JDP2: variants seen among roughly 807,000 people sequenced by gnomAD.
JDP2 encodes progesterone receptor co-activator.
In JDP2, 9 loss-of-function variants were observed where a neutral mutation model predicts 17.1. The observed-to-expected ratio is 0.53, with a 90% CI of 0.32 to 0.92. The LOEUF is 0.92. JDP2 is among the 40% of genes least tolerant of loss of function. The pLI, the probability that JDP2 is intolerant of heterozygous loss-of-function variation, is 0.04. For synonymous variants in JDP2, 107 were observed against 95.6 expected, an observed-to-expected ratio of 1.12 and a Z score of -0.69; for missense variants, 179 against 220.0, an observed-to-expected ratio of 0.81 and a Z score of 1.18.
chr14:75,434,153 C>T (rs1255595636), intron 1 of JDP2, among the ~76,000 whole-genome samples: 1 of 152,170 alleles, frequency 6.6e-6, no homozygotes, highest in Non-Finnish European at 1.5e-5. Context: ...CCCCCACTCC[C>T]CCTTTTTTAT....
chr14:75,440,872 A>G (rs1885311830), intron 2 of JDP2, among the ~76,000 whole-genome samples: 1 of 152,220 alleles, frequency 6.6e-6, no homozygotes, highest in Non-Finnish European at 1.5e-5. Flanking sequence ...GATGAGGTCA[A>G]CAAGGCTGAG....
At chr14:75,442,369 T>C (rs1885395167) in intron 2 of JDP2, among the ~76,000 whole-genome samples, 1 of 152,190 alleles carries the variant, frequency 6.6e-6, no homozygotes, top group Non-Finnish European at 1.5e-5. Context: ...CTGCTGTATT[T>C]GTATACAGCC....
At chr14:75,466,222 C>T (rs558837170) in intron 3 of JDP2, among the ~76,000 whole-genome samples, 6 of 152,356 alleles carry the variant, frequency 3.9e-5, no homozygotes, top group Admixed American at 2.6e-4. Flanking sequence ...AGGCAGATCA[C>T]TTGAGGCCAA....
chr14:75,452,142 C>T (rs1315367725), intron 2 of JDP2, among the ~76,000 whole-genome samples: 5 of 152,198 alleles, frequency 3.3e-5, no homozygotes, highest in African/African-American at 1.2e-4. Flanking sequence ...ATCAGGCCCA[C>T]GCTGCCCTTG....
intron 1 of JDP2, among the ~76,000 whole-genome samples, chr14:75,433,657 A>G (rs1884924742): frequency 1.3e-5 from 2 of 149,458 alleles, no homozygotes; most frequent in African/African-American, 5.0e-5. Context: ...ACAACAGCTT[A>G]GGGTCCACGG....
chr14:75,444,174 G>T (rs2139963077), intron 2 of JDP2, among the ~76,000 whole-genome samples: 1 of 152,306 alleles, frequency 6.6e-6, no homozygotes, highest in East Asian at 1.9e-4. Context: ...AAAGTGCTGG[G>T]ATTACAGGCG....
At position 75,472,214 on chromosome 14, in the gene JDP2, T is replaced by TG. The variant is rs1355476179; in HGVS notation, c.*2745dup. ...CCTCAACTGCTTTGTGCACCCTGACTGGGGGGTAGGTGCTAGCGTTCCAAC... is the reference window on the plus strand; with the variant it reads ...CCTCAACTGCTTTGTGCACCCTGACTGGGGGGGTAGGTGCTAGCGTTCCAAC... On this transcript the variant is annotated 3_prime_UTR_variant, in exon 4 of 4. Transcript: ENST00000651602. The TG allele has an allele frequency of 1.3e-5, 2 of 152,168 alleles. 1 individual carries two copies. The highest frequency in any genetic ancestry group is 4.1e-4 in the South Asian group (2 of 4,834). 9.4% of individuals were successfully genotyped at this position (152,168 alleles called of 1,614,324 possible).
intron 3 of JDP2, among the ~76,000 whole-genome samples, chr14:75,461,738 C>G (rs1886357104): frequency 6.6e-6 from 1 of 152,182 alleles, no homozygotes; most frequent in Admixed American, 6.5e-5. Context: ...TCAGCAGTTC[C>G]TGCCCACACA....
At chr14:75,448,276 T>C (rs1885699226) in intron 2 of JDP2, among the ~76,000 whole-genome samples, 2 of 152,110 alleles carry the variant, frequency 1.3e-5, no homozygotes, top group African/African-American at 4.8e-5. Context: ...TAAAGTGGGG[T>C]CAGCATCTGG....
chr14:75,436,105 A>C (rs1226681968), intron 1 of JDP2, among the ~76,000 whole-genome samples: 1 of 152,162 alleles, frequency 6.6e-6, no homozygotes, highest in African/African-American at 2.4e-5. Context: ...TGGGAAATAG[A>C]CTCTGGACTT....
intron 2 of JDP2, among the ~76,000 whole-genome samples, chr14:75,442,290 C>A (rs1037352625): frequency 6.6e-6 from 1 of 151,798 alleles, no homozygotes; most frequent in Admixed American, 6.6e-5. Context: ...TTTTAAAAAA[C>A]CAGAATATCT....
At chr14:75,442,833 G>T (rs540120586) in intron 2 of JDP2, among the ~76,000 whole-genome samples, 57 of 152,156 alleles carry the variant, frequency 3.7e-4, no homozygotes, top group Non-Finnish European at 3.1e-4. Context: ...CTACTTTTGG[G>T]AATGTGACTC....
rs8009422 is a variant in JDP2, at chr14:75,473,231, C to T, written c.*3756C>T. 0.53 allele frequency: 80,885 copies of T among 151,704 alleles called. 21,855 individuals carry two copies. The highest frequency in any genetic ancestry group is 0.57 in the Non-Finnish European group (38,903 of 67,896). 9.4% of individuals were successfully genotyped at this position (151,704 alleles called of 1,614,324 possible). On this transcript the variant is annotated 3_prime_UTR_variant, in exon 4 of 4. Coordinates refer to ENST00000651602, the MANE Select transcript of JDP2 (RefSeq NM_001135048.2). Reference sequence around the variant, plus strand: ...GCACGTGCCTGTAGTCCCAGCTACTCGGGAGGCTGAGGCAGGAGAATCACT... The same window carrying T: ...GCACGTGCCTGTAGTCCCAGCTACTTGGGAGGCTGAGGCAGGAGAATCACT...
intron 3 of JDP2, among the ~76,000 whole-genome samples, chr14:75,467,127 T>C (rs993983529): frequency 6.6e-6 from 1 of 152,178 alleles, no homozygotes; most frequent in Non-Finnish European, 1.5e-5. Flanking sequence ...ACAGGCTGGC[T>C]CTCAACCCAC....
At chr14:75,427,134 A>G, upstream of JDP2, 1 of 152,802 alleles carries the variant, frequency 6.5e-6, no homozygotes, top group Non-Finnish European at 1.5e-5. The surrounding 1 kb of genome is among the most constrained non-coding windows in gnomAD (Gnocchi z 4.4). Flanking sequence ...GAAGGATGGA[A>G]GGTGGGAGTG....
chr14:75,457,837 A>G (rs1364394858), intron 2 of JDP2, among the ~76,000 whole-genome samples: 1 of 152,230 alleles, frequency 6.6e-6, no homozygotes, highest in East Asian at 1.9e-4. Context: ...GCCTACTACA[A>G]ACAGAGAGAA....
intron 3 of JDP2, among the ~76,000 whole-genome samples, chr14:75,465,978 A>G (rs1028568736): frequency 1.1e-4 from 17 of 152,254 alleles, no homozygotes; most frequent in Non-Finnish European, 1.9e-4. Context: ...TTCATTAATT[A>G]GGAAAACAAA....
At chr14:75,440,463 C>A (rs143790619) in intron 2 of JDP2, among the ~76,000 whole-genome samples, 3 of 152,196 alleles carry the variant, frequency 2.0e-5, no homozygotes, top group Non-Finnish European at 4.4e-5. Flanking sequence ...CTGCCTTGAG[C>A]GGATTTTCAT....
At position 75,472,724 on chromosome 14, in the gene JDP2, C is replaced by T. The variant is rs1247249469; in HGVS notation, c.*3249C>T. ...TAATTATTTTGTCCTCTGTTAGTGT[C>T]GGTAGTTATTGATATCTACATAGTA... On this transcript the variant is annotated 3_prime_UTR_variant, in exon 4 of 4. Transcript: ENST00000651602. The T allele has an allele frequency of 1.3e-5, 2 of 152,176 alleles. No individual in the cohort carries two copies. The highest frequency in any genetic ancestry group is 2.4e-5 in the African/African-American group (1 of 41,430). The allele number at this position is 152,176 out of a possible 1,614,324, so 9.4% of individuals were successfully genotyped here.
Sources: gnomAD v4.1 joint callset for allele counts (sites outside exome capture counted in the v4.1 genomes callset) on GRCh38, gnomAD v4.1.1 for gene constraint, Gnocchi (gnomAD v3.1) non-coding constraint, MANE v1.5 for transcripts, NCBI Gene and HGNC (gene_info 2026-07-23, HGNC 2026-07-21) for gene names.